The following PCBP3 variants were observed in gnomAD, a reference collection of about 807,000 sequenced individuals.
The protein encoded by PCBP3 is poly(rC)-binding protein 3.
Under a neutral mutation model 52.7 loss-of-function variants are expected in PCBP3, and 25 were observed. The observed-to-expected ratio is 0.47, with a 90% confidence interval of 0.35 to 0.66. The LOEUF is 0.66. PCBP3 is among the 30% of genes least tolerant of loss of function. The probability of loss-of-function intolerance (pLI) is 0.01; values close to 1 mark genes in which losing one functional copy is unlikely to be tolerated. For synonymous variants in PCBP3, 162 were observed against 183.0 expected (o/e 0.89, Z 0.93); for missense variants, 391 against 490.3 (o/e 0.80, Z 1.91).
intron 13 of PCBP3, among the ~76,000 whole-genome samples, chr21:45,920,604 G>A (rs1215967668): frequency 3.3e-5 from 5 of 152,198 alleles, no homozygotes; most frequent in Admixed American, 3.3e-4. Context: ...GAGGGTGGGG[G>A]GTCCCAGGGC....
chr21:45,858,435 A>AC (rs1445930752), intron 5 of PCBP3: 1 of 152,210 alleles, frequency 6.6e-6, no homozygotes, highest in Non-Finnish European at 1.5e-5. Flanking sequence ...CTGTGAAGAT[A>AC]AGCTGTTTAT....
At chr21:45,749,118 G>T (rs1418203439) in intron 3 of PCBP3, among the ~76,000 whole-genome samples, 1 of 152,070 alleles carries the variant, frequency 6.6e-6, no homozygotes, top group African/African-American at 2.4e-5. Context: ...ATTCTCCAAG[G>T]TCTTTGATTA....
chr21:45,786,584 C>G (rs2091180388), intron 4 of PCBP3, among the ~76,000 whole-genome samples: 1 of 152,138 alleles, frequency 6.6e-6, no homozygotes, highest in South Asian at 2.1e-4. Context: ...AGGCACCGCG[C>G]CTGGTCTTAA....
chr21:45,740,218 C>G (rs757000210), intron 3 of PCBP3, among the ~76,000 whole-genome samples: 1 of 152,194 alleles, frequency 6.6e-6, no homozygotes, highest in Non-Finnish European at 1.5e-5. Context: ...AAGGAGCCCT[C>G]GCTGTTAGCT....
intron 4 of PCBP3, among the ~76,000 whole-genome samples, chr21:45,766,998 C>T (rs890163813): frequency 2.0e-5 from 3 of 152,212 alleles, no homozygotes; most frequent in African/African-American, 7.2e-5. Context: ...ACACAGTACT[C>T]AGTTTTGACC....
At chr21:45,718,127 TATA>T (rs570475415) in intron 2 of PCBP3, among the ~76,000 whole-genome samples, 3 of 152,166 alleles carry the variant, frequency 2.0e-5, no homozygotes, top group Admixed American at 6.5e-5. Context: ...AGTATTTTCT[TATA>T]ATCCTTTTTA....
Position 45,837,642 on chromosome 21 carries a change from A to G in PCBP3, c.-125-12319A>G, listed in dbSNP as rs913890511. On this transcript the variant is annotated intron_variant, in intron 4 of 17. Coordinates refer to ENST00000681687, the MANE Select transcript of PCBP3 (RefSeq NM_001384156.1). The surrounding 1 kb of genome is among the most constrained non-coding windows in gnomAD (Gnocchi z 4.1). ...CCTCCTCTGGCATGGTGCAGAGCCC[A>G]CCTGCAACCCCATATTTGCCCTGGT... Among the ~76,000 whole-genome samples the G allele has an allele frequency of 4.4e-4, 67 of 152,146 alleles. No homozygotes were observed. Among genetic ancestry groups the G allele is most frequent in the African/African-American group, 1.6e-3 (66 of 41,422 alleles).
rs558793347 is a variant in PCBP3 at position 45,800,473 on chromosome 21, C to T, written c.-126+45021C>T. On this transcript the variant is annotated intron_variant, in intron 4 of 17. Coordinates refer to ENST00000681687, the MANE Select transcript of PCBP3 (RefSeq NM_001384156.1). This position sits in a 1 kb window ranked among gnomAD's most constrained non-coding sequence, Gnocchi z 5.3. ...CTGAGCCCAACTGGCTCCAAACAGG[C>T]GTGTTGTGGGCGTGTCCTGAGGTGT... Among the ~76,000 whole-genome samples, 229 of 152,328 alleles carry T rather than the reference C, an allele frequency of 1.5e-3. 2 individuals are homozygous for T. Among genetic ancestry groups the T allele is most frequent in the African/African-American group, 5.0e-3 (210 of 41,588 alleles).
intron 1 of PCBP3, among the ~76,000 whole-genome samples, chr21:45,664,010 C>CTT (rs1246518674): frequency 4.9e-5 from 2 of 41,062 alleles, no homozygotes; most frequent in Admixed American, 2.5e-4. Flanking sequence ...GGATGTTTTT[C>CTT]TTTTTTTTTC....
chr21:45,934,207 G>C (rs1479193363), intron 15 of PCBP3, among the ~76,000 whole-genome samples: 2 of 152,146 alleles, frequency 1.3e-5, no homozygotes, highest in African/African-American at 4.8e-5. Context: ...CAGGGCCCAG[G>C]CTGAGCTGCA....
intron 1 of PCBP3, among the ~76,000 whole-genome samples, chr21:45,658,490 G>A (rs2147000269): frequency 6.6e-6 from 1 of 152,244 alleles, no homozygotes; most frequent in African/African-American, 2.4e-5. Context: ...TTTTAGTTGA[G>A]ACAGGGTCTT....
At chr21:45,931,431 G>T (rs528440150) in intron 15 of PCBP3, among the ~76,000 whole-genome samples, 3 of 152,372 alleles carry the variant, frequency 2.0e-5, no homozygotes, top group Admixed American at 6.5e-5. Flanking sequence ...CCCTCACCAA[G>T]GCCCTGAGGA....
chr21:45,742,984 GAT>G (rs1479801540), intron 3 of PCBP3, among the ~76,000 whole-genome samples: 1 of 152,124 alleles, frequency 6.6e-6, no homozygotes, highest in Non-Finnish European at 1.5e-5. Context: ...AAATGGATCA[GAT>G]CTATAATTTA....
rs1397695928 is a variant in PCBP3 at position 45,737,659 on chromosome 21, G to A, written c.-162+2230G>A. Among the ~76,000 whole-genome samples the A allele has an allele frequency of 2.0e-5, 3 of 152,222 alleles. No individual in the cohort carries two copies. The highest frequency in any genetic ancestry group is 4.4e-5 in the Non-Finnish European group (3 of 68,036). ...CGCCTGCCAGCATGTGGGTTCTGGA[G>A]GCTGCAGCAGGCAGATTCTGGAAAT... On this transcript the variant is annotated intron_variant, in intron 3 of 17. Transcript: ENST00000681687. This position sits in a 1 kb window ranked among gnomAD's most constrained non-coding sequence, Gnocchi z 4.9.
At chr21:45,658,485 G>T (rs2080168839) in intron 1 of PCBP3, among the ~76,000 whole-genome samples, 1 of 152,110 alleles carries the variant, frequency 6.6e-6, no homozygotes, top group Admixed American at 6.6e-5. Flanking sequence ...TGAATTTTTA[G>T]TTGAGACAGG....
chr21:45,849,985 C>A lies in PCBP3; in HGVS notation c.-101C>A. 1 of 1,168,218 alleles carries A rather than the reference C, an allele frequency of 8.6e-7. No individual in the cohort carries two copies. Among genetic ancestry groups the A allele is most frequent in the Non-Finnish European group, 1.3e-6 (1 of 797,326 alleles). 72.4% of individuals were successfully genotyped at this position (1,168,218 alleles called of 1,614,324 possible). On this transcript the variant is annotated 5_prime_UTR_variant, in exon 5 of 18. Transcript: ENST00000681687. Reference sequence around the variant, plus strand: ...GGTCGGTAGGCTCCACGACAAAAGTCAACCCTTCTGTAAATCACCTGCTGT... The same window carrying A: ...GGTCGGTAGGCTCCACGACAAAAGTAAACCCTTCTGTAAATCACCTGCTGT...
intron 1 of PCBP3, among the ~76,000 whole-genome samples, chr21:45,647,073 C>T (rs202160376): frequency 1.3e-5 from 2 of 149,900 alleles, no homozygotes; most frequent in Non-Finnish European, 3.0e-5. Flanking sequence ...AAAAAAAAAA[C>T]AAAAAAGATA....
At chr21:45,891,599 A>T (rs2095664863) in intron 5 of PCBP3, among the ~76,000 whole-genome samples, 1 of 152,142 alleles carries the variant, frequency 6.6e-6, no homozygotes, top group African/African-American at 2.4e-5. Flanking sequence ...AGCACGGACC[A>T]CAGGGGACCA....
chr21:45,793,411 A>G (rs2091736355), intron 4 of PCBP3, among the ~76,000 whole-genome samples: 1 of 152,138 alleles, frequency 6.6e-6, no homozygotes, highest in African/African-American at 2.4e-5. Flanking sequence ...CAGGACTGAC[A>G]GGCGGGGAGA....
Sources: allele counts gnomAD v4.1 joint callset (sites outside exome capture counted in the v4.1 genomes callset), GRCh38; gene constraint gnomAD v4.1.1; non-coding constraint Gnocchi (gnomAD v3.1); transcripts MANE v1.5; gene names NCBI Gene and HGNC (gene_info 2026-07-23, HGNC 2026-07-21).